The following CAP2 variants were observed in gnomAD, a reference collection of about 807,000 sequenced individuals.
CAP2 encodes adenylyl cyclase-associated protein 2.
In CAP2, 24 loss-of-function variants were observed where a neutral mutation model predicts 57.7. The observed-to-expected ratio is 0.42, with a 90% CI of 0.30 to 0.58. The LOEUF (loss-of-function observed/expected upper bound fraction) is 0.58. Ranked by LOEUF, CAP2 falls within the 20% of genes least tolerant of loss-of-function variation. The probability of loss-of-function intolerance (pLI) is 0.22; values close to 1 mark genes in which losing one functional copy is unlikely to be tolerated. For missense variants in CAP2, 501 were observed against 590.3 expected (o/e 0.85, Z 1.57); for synonymous variants, 194 against 207.2 (o/e 0.94, Z 0.55).
intron 7 of CAP2, among the ~76,000 whole-genome samples, chr6:17,527,587 T>G (rs1016510040): frequency 5.0e-5 from 7 of 141,246 alleles, no homozygotes; most frequent in African/African-American, 1.9e-4. Context: ...TTTTCATTTT[T>G]GTTCTCTTTC....
In CAP2 at chr6:17,449,333, C is replaced by A. The variant is rs1022960629; in HGVS notation, c.223-13663C>A. Among the ~76,000 whole-genome samples, 5 of 152,050 alleles carry A rather than the reference C, an allele frequency of 3.3e-5. No individual in the cohort carries two copies. The East Asian group carries it at 9.6e-4, about 29-fold the overall frequency. ...TTATAATCATTTAAAAAATTAGTGTCATTTGACTTGTTTTCAGTTTTGACC... is the reference window on the plus strand; with the variant it reads ...TTATAATCATTTAAAAAATTAGTGTAATTTGACTTGTTTTCAGTTTTGACC... On this transcript the variant is annotated intron_variant, in intron 3 of 12. Coordinates refer to ENST00000229922, the MANE Select transcript of CAP2 (RefSeq NM_006366.3).
chr6:17,403,684 A>G (rs2113504463), intron 1 of CAP2, among the ~76,000 whole-genome samples: 1 of 152,342 alleles, frequency 6.6e-6, no homozygotes, highest in Middle Eastern at 3.4e-3. Context: ...CTAATGAGTA[A>G]AATAGGCTAA....
intron 11 of CAP2, among the ~76,000 whole-genome samples, chr6:17,550,117 C>T (rs1409629000): frequency 6.6e-6 from 1 of 151,978 alleles, no homozygotes; most frequent in Non-Finnish European, 1.5e-5. Context: ...ACCTGTAATC[C>T]CAGCACTTTG....
At chr6:17,410,543 G>A (rs1759112548) in intron 1 of CAP2, among the ~76,000 whole-genome samples, 1 of 152,064 alleles carries the variant, frequency 6.6e-6, no homozygotes, top group African/African-American at 2.4e-5. Context: ...ACCACTGGGA[G>A]ATGAGAACAG....
chr6:17,517,979 T>C (rs1762308035), intron 7 of CAP2, among the ~76,000 whole-genome samples: 1 of 152,104 alleles, frequency 6.6e-6, no homozygotes, highest in Non-Finnish European at 1.5e-5. Context: ...ATAGAGCACA[T>C]CAGGCATCAT....
At chr6:17,527,887 G>A (rs1388840687) in intron 7 of CAP2, among the ~76,000 whole-genome samples, 1 of 152,178 alleles carries the variant, frequency 6.6e-6, no homozygotes, top group Non-Finnish European at 1.5e-5. Context: ...ACAGGCGTGA[G>A]CCACTGTGCC....
rs1210170507 is a variant in CAP2, at chr6:17,512,109, A to C, written c.531-1740A>C. On this transcript the variant is annotated intron_variant, in intron 6 of 12. Coordinates refer to ENST00000229922, the MANE Select transcript of CAP2 (RefSeq NM_006366.3). Reference sequence around the variant, plus strand: ...AATTTTTTAATGGAAAATATACTGAATCAGACATGGTGGCTCATGCCTGTA... The same window carrying C: ...AATTTTTTAATGGAAAATATACTGACTCAGACATGGTGGCTCATGCCTGTA... 5.3e-5 allele frequency among the ~76,000 whole-genome samples: 8 copies of C among 152,134 alleles called. No homozygotes were observed. The East Asian group carries it at 1.5e-3, about 29-fold the overall frequency.
chr6:17,519,186 T>G (rs1762335478), intron 7 of CAP2, among the ~76,000 whole-genome samples: 1 of 152,148 alleles, frequency 6.6e-6, no homozygotes, highest in Non-Finnish European at 1.5e-5. Context: ...CTTCCCTGAG[T>G]TAACAGTTGG....
chr6:17,500,901 C>T (rs1761804460), intron 4 of CAP2, among the ~76,000 whole-genome samples: 1 of 152,128 alleles, frequency 6.6e-6, no homozygotes, highest in Admixed American at 6.5e-5. Context: ...AAACTTTACA[C>T]AAAAACACAT....
At chr6:17,531,178 G>A (rs4712300) in intron 7 of CAP2, 662,447 of 765,412 alleles carry the variant, frequency 0.87, 287,902 homozygotes, top group East Asian at 1. Flanking sequence ...CCACACTTAT[G>A]GATTAGTTCA....
At chr6:17,422,672 T>C (rs1759480655) in intron 2 of CAP2, among the ~76,000 whole-genome samples, 1 of 152,108 alleles carries the variant, frequency 6.6e-6, no homozygotes, top group African/African-American at 2.4e-5. Context: ...TTTAAAACTA[T>C]ATCCTAATAC....
chr6:17,549,927 C>T (rs6925145), intron 11 of CAP2, among the ~76,000 whole-genome samples: 49,921 of 152,082 alleles, frequency 0.33, 8,733 homozygotes, highest in Middle Eastern at 0.52. Context: ...GAAGCCCCAG[C>T]ACGTGTGCCA....
rs112139782 is a variant in CAP2 at position 17,465,365 on chromosome 6, C to A, written c.300+2292C>A. ...CCGCTGTGCCTGGCTCTATTGAATT[C>A]TTGATAAAGGGGAGGGAAACTGGTT... On this transcript the variant is annotated intron_variant, in intron 4 of 12. Coordinates refer to ENST00000229922, the MANE Select transcript of CAP2 (RefSeq NM_006366.3). 1.8e-3 allele frequency among the ~76,000 whole-genome samples: 267 copies of A among 152,188 alleles called. 1 individual carries two copies. The highest frequency in any genetic ancestry group is 5.6e-3 in the African/African-American group (234 of 41,518).
chr6:17,447,994 C>T (rs1211197718), intron 3 of CAP2, among the ~76,000 whole-genome samples: 4 of 152,232 alleles, frequency 2.6e-5, no homozygotes, highest in African/African-American at 9.6e-5. Context: ...GCAGTAATTA[C>T]TGAGCTTCTG....
At chr6:17,511,759 C>G (rs973735200) in intron 6 of CAP2, among the ~76,000 whole-genome samples, 1 of 152,118 alleles carries the variant, frequency 6.6e-6, no homozygotes, top group African/African-American at 2.4e-5. Flanking sequence ...CGGCCTGGTT[C>G]TTTCAATATA....
At chr6:17,546,685 A>ATAAT (rs1763056049) in intron 11 of CAP2, among the ~76,000 whole-genome samples, 1 of 152,190 alleles carries the variant, frequency 6.6e-6, no homozygotes, top group South Asian at 2.1e-4. Context: ...GTATCTCAAA[A>ATAAT]TAATAAGAGC....
chr6:17,543,266 C>A lies in CAP2; in HGVS notation c.1209+123C>A, dbSNP rs892619869. 8 of 765,266 alleles carry A rather than the reference C, an allele frequency of 1.0e-5. No individual in the cohort carries two copies. The Admixed American group carries it at 1.8e-4, about 17-fold the overall frequency. The allele number at this position is 765,266 out of a possible 1,614,324, so 47.4% of individuals were successfully genotyped here. ...TTTCCAACCACGCTGTAATAAGCAG[C>A]CTTTCCAACCACACTGTAAGCTGCG... is the stretch of plus-strand genomic sequence containing the variant. On this transcript the variant is annotated intron_variant, in intron 11 of 12. Coordinates refer to ENST00000229922, the MANE Select transcript of CAP2 (RefSeq NM_006366.3).
chr6:17,539,087 G>T (rs1261256331), intron 7 of CAP2, among the ~76,000 whole-genome samples, 182 bp from the exon 8 acceptor site: 1 of 152,156 alleles, frequency 6.6e-6, no homozygotes, highest in East Asian at 1.9e-4. Flanking sequence ...TTCCCAAGCT[G>T]GAGCTGCCAT....
intron 7 of CAP2, among the ~76,000 whole-genome samples, chr6:17,526,090 C>A (rs1039309548): frequency 1.3e-5 from 2 of 149,530 alleles, no homozygotes; most frequent in African/African-American, 2.5e-5. Context: ...TAGATCATGT[C>A]TGTTTTTCAA....
Sources: gnomAD v4.1 joint callset for allele counts (sites outside exome capture counted in the v4.1 genomes callset) on GRCh38, gnomAD v4.1.1 for gene constraint, MANE v1.5 for transcripts, NCBI Gene and HGNC (gene_info 2026-07-23, HGNC 2026-07-21) for gene names.